CTNNA2: variants seen among roughly 807,000 people sequenced by gnomAD.
CTNNA2 encodes catenin alpha 2.
A neutral mutation model predicts 101.0 loss-of-function variants in CTNNA2; 42 were observed. The ratio of observed to expected loss-of-function variants is 0.42; its 90% CI spans 0.32 to 0.54. The LOEUF is 0.54. CTNNA2 is among the 20% of genes least tolerant of loss of function. CTNNA2 has a pLI of 0.14. For synonymous variants in CTNNA2, 450 were observed against 456.4 expected (o/e 0.99, Z 0.18); for missense variants, 871 against 1,223.1 (o/e 0.71, Z 4.29).
chr2:80,398,513 A>G (rs1029947041), intron 8 of CTNNA2, among the ~76,000 whole-genome samples: 31 of 152,128 alleles, frequency 2.0e-4, no homozygotes, highest in Non-Finnish European at 4.0e-4. Flanking sequence ...CATGCAGCAA[A>G]TGGGATTTGA....
At chr2:79,915,794 A>T (rs1159624520) in intron 7 of CTNNA2, among the ~76,000 whole-genome samples, 1 of 152,134 alleles carries the variant, frequency 6.6e-6, no homozygotes, top group African/African-American at 2.4e-5. Flanking sequence ...TCTGATTTTT[A>T]TCTATCAGAA....
Position 79,310,720 on chromosome 2 carries a change from G to A in CTNNA2, c.-405-1989G>A, listed in dbSNP as rs574836967. Among the ~76,000 whole-genome samples, 3 of 152,284 alleles carry A rather than the reference G, an allele frequency of 2.0e-5. No individual in the cohort carries two copies. In the East Asian group the frequency reaches 5.8e-4, roughly 29 times the overall value. ...GAGATAGTTAAAGCCAGCATAGCCTGGAGAACTTGAAGTAAATTAGAGAAA... is the reference window on the plus strand; with the variant it reads ...GAGATAGTTAAAGCCAGCATAGCCTAGAGAACTTGAAGTAAATTAGAGAAA... On this transcript the variant is annotated intron_variant, in intron 2 of 21. Transcript: ENST00000466387.
At chr2:80,637,185 A>G (rs1426581198) in intron 18 of CTNNA2, among the ~76,000 whole-genome samples, 1 of 152,222 alleles carries the variant, frequency 6.6e-6, no homozygotes, top group Non-Finnish European at 1.5e-5. Flanking sequence ...GATTTAAGGA[A>G]AGATGGGTCA....
At chr2:79,448,738 C>A (rs1190323285) in intron 4 of CTNNA2, among the ~76,000 whole-genome samples, 1 of 152,008 alleles carries the variant, frequency 6.6e-6, no homozygotes, top group Non-Finnish European at 1.5e-5. Context: ...GTTCTCGTGA[C>A]AGGTCTTCTG....
chr2:80,109,985 T>C (rs773610796), intron 7 of CTNNA2, among the ~76,000 whole-genome samples: 4 of 152,230 alleles, frequency 2.6e-5, no homozygotes, highest in African/African-American at 4.8e-5. Context: ...CTGCTTTTTA[T>C]GGTTGATTGT....
chr2:80,530,786 G>A (rs1467369738), intron 9 of CTNNA2, among the ~76,000 whole-genome samples: 1 of 152,210 alleles, frequency 6.6e-6, no homozygotes, highest in African/African-American at 2.4e-5. Flanking sequence ...TGATGACTGA[G>A]GGATCTGGCC....
At chr2:80,328,277 C>T (rs759552365) in intron 7 of CTNNA2, 2 of 471,066 alleles carry the variant, frequency 4.2e-6, no homozygotes, top group South Asian at 3.1e-5. Flanking sequence ...CCGATAACAA[C>T]TCCTTCTTTG....
At chr2:80,432,622 G>A (rs1681647666) in intron 9 of CTNNA2, among the ~76,000 whole-genome samples, 3 of 152,048 alleles carry the variant, frequency 2.0e-5, no homozygotes, top group Admixed American at 2.0e-4. Flanking sequence ...TAAAACAATA[G>A]GACCCTCATT....
At chr2:80,066,783 C>T (rs762792929) in intron 7 of CTNNA2, among the ~76,000 whole-genome samples, 31 of 152,300 alleles carry the variant, frequency 2.0e-4, no homozygotes, top group Non-Finnish European at 4.1e-4. Flanking sequence ...GATATATGCA[C>T]TTCCATGTTC....
intron 7 of CTNNA2, among the ~76,000 whole-genome samples, chr2:80,113,404 G>A (rs1441172380): frequency 6.6e-6 from 1 of 152,190 alleles, no homozygotes; most frequent in Non-Finnish European, 1.5e-5. Context: ...ACAGTTCTTG[G>A]TGTGCATATG....
chr2:80,232,917 G>A (rs1250992245), intron 7 of CTNNA2, among the ~76,000 whole-genome samples: 2 of 152,126 alleles, frequency 1.3e-5, no homozygotes, highest in African/African-American at 4.8e-5. Flanking sequence ...GTAGCCAGCT[G>A]GGATTCAGCC....
intron 3 of CTNNA2, among the ~76,000 whole-genome samples, chr2:79,803,975 C>G (rs1038679139): frequency 6.6e-6 from 1 of 152,204 alleles, no homozygotes; most frequent in Non-Finnish European, 1.5e-5. Context: ...GGATAAAGGT[C>G]ACTAGACTCT....
At chr2:80,630,335 TAGTCTCTC>T (rs527550953) in intron 18 of CTNNA2, among the ~76,000 whole-genome samples, 22 of 152,204 alleles carry the variant, frequency 1.4e-4, no homozygotes, top group Non-Finnish European at 2.8e-4. Context: ...CATATTTACC[TAGTCTCTC>T]TGTCTCTCTG....
At chr2:80,605,673 AAAAAC>A (rs768581467) in intron 16 of CTNNA2, 8 of 152,016 alleles carry the variant, frequency 5.3e-5, no homozygotes, top group Non-Finnish European at 1.0e-4. Context: ...TAAAGGCTGA[AAAAAC>A]AAAACAAACA....
chr2:79,775,474 G>A lies in CTNNA2; in HGVS notation c.298+30892G>A, dbSNP rs112787273. Among the ~76,000 whole-genome samples the A allele has an allele frequency of 4.6e-4, 70 of 152,228 alleles. 1 individual carries two copies. Among genetic ancestry groups the A allele is most frequent in the Admixed American group, 2.9e-3 (45 of 15,290 alleles). On this transcript the variant is annotated intron_variant, in intron 3 of 18. Coordinates refer to ENST00000402739, the MANE Select transcript of CTNNA2 (RefSeq NM_001282597.3). ...AATAAGTTAAAGCATTTTTTAAAATGTATTTTAAGTTCAGGGGTACATGTG... is the reference window on the plus strand; with the variant it reads ...AATAAGTTAAAGCATTTTTTAAAATATATTTTAAGTTCAGGGGTACATGTG...
chr2:79,196,989 C>T (rs1412913775), intron 1 of CTNNA2, among the ~76,000 whole-genome samples: 2 of 152,290 alleles, frequency 1.3e-5, no homozygotes, highest in East Asian at 3.9e-4. Flanking sequence ...TTTCTCATAT[C>T]CTTGCAAGAC....
At chr2:79,855,513 G>T (rs943249582) in intron 3 of CTNNA2, among the ~76,000 whole-genome samples, 1 of 152,160 alleles carries the variant, frequency 6.6e-6, no homozygotes, top group African/African-American at 2.4e-5. Flanking sequence ...AATGATGTTG[G>T]TTCATTCCGA....
chr2:80,417,758 G>A (rs559905794), intron 8 of CTNNA2, among the ~76,000 whole-genome samples: 169 of 151,752 alleles, frequency 1.1e-3, no homozygotes, highest in Non-Finnish European at 1.9e-3. Flanking sequence ...TATCTTTCTG[G>A]CATGCTTTCA....
chr2:80,337,410 CA>C (rs1440968679), intron 7 of CTNNA2, among the ~76,000 whole-genome samples: 1 of 151,746 alleles, frequency 6.6e-6, no homozygotes, highest in Admixed American at 6.6e-5. Context: ...AAAAAAGTCA[CA>C]AGCTCTTTTG....
Sources: gnomAD v4.1 joint callset for allele counts (sites outside exome capture counted in the v4.1 genomes callset) on GRCh38, gnomAD v4.1.1 for gene constraint, MANE v1.5 for transcripts, NCBI Gene and HGNC (gene_info 2026-07-23, HGNC 2026-07-21) for gene names.